The following ERBIN variants were observed in gnomAD, a reference collection of about 807,000 sequenced individuals.
ERBIN encodes the protein erbb2 interacting protein.
In ERBIN, 60 loss-of-function variants were observed where a neutral mutation model predicts 158.4. The observed-to-expected ratio is 0.38, with a 90% confidence interval of 0.31 to 0.47. ERBIN has a LOEUF of 0.47. Ranked by LOEUF, ERBIN falls within the 20% of genes least tolerant of loss-of-function variation. The pLI, the probability that ERBIN is intolerant of heterozygous loss-of-function variation, is 0.99. For synonymous variants in ERBIN, 594 were observed against 557.2 expected, an observed-to-expected ratio of 1.07 and a Z score of -0.93; for missense variants, 1,610 against 1,648.0, an observed-to-expected ratio of 0.98 and a Z score of 0.40.
chr5:66,063,888 A>G (rs1457325266), intron 21 of ERBIN, among the ~76,000 whole-genome samples: 1 of 152,208 alleles, frequency 6.6e-6, no homozygotes, highest in Admixed American at 6.5e-5. Flanking sequence ...ACGTACACAC[A>G]TAAAACTAAC....
intron 1 of ERBIN, among the ~76,000 whole-genome samples, chr5:65,931,819 C>CTTTTTTTTTTTTTT (rs36048820): frequency 1.5e-5 from 2 of 131,938 alleles, no homozygotes; most frequent in African/African-American, 2.8e-5. Context: ...TCTTTTCTTT[C>CTTTTTTTTTTTTTT]TTTTTTTTTT....
chr5:66,016,597 CTCTTA>C (rs1561376896), intron 7 of ERBIN, among the ~76,000 whole-genome samples: 1 of 149,540 alleles, frequency 6.7e-6, no homozygotes, highest in Admixed American at 6.7e-5. Context: ...CACCATTCTA[CTCTTA>C]TCTTCATGAG....
chr5:66,022,239 C>T (rs1437885299), intron 8 of ERBIN, among the ~76,000 whole-genome samples: 1 of 152,042 alleles, frequency 6.6e-6, no homozygotes, highest in Non-Finnish European at 1.5e-5. Context: ...TTATCTGTTA[C>T]GTCCTTTCTC....
At chr5:65,962,393 A>G (rs1216099688) in intron 1 of ERBIN, among the ~76,000 whole-genome samples, 1 of 152,210 alleles carries the variant, frequency 6.6e-6, no homozygotes, top group Non-Finnish European at 1.5e-5. Context: ...AGGTTTACAA[A>G]TGTGTATGTG....
At chr5:66,009,846 C>A (rs1367108161) in intron 4 of ERBIN, among the ~76,000 whole-genome samples, 1 of 152,034 alleles carries the variant, frequency 6.6e-6, no homozygotes, top group Non-Finnish European at 1.5e-5. Context: ...TGATACAAAG[C>A]TACTAAATTT....
At chr5:65,948,952 C>T (rs577211279) in intron 1 of ERBIN, among the ~76,000 whole-genome samples, 19 of 151,710 alleles carry the variant, frequency 1.3e-4, no homozygotes, top group South Asian at 6.3e-4. Context: ...TTGGTAGAGA[C>T]GGGGTTTCAC....
At chr5:66,057,946 T>TG (rs1358589792) in intron 21 of ERBIN, among the ~76,000 whole-genome samples, 1 of 151,424 alleles carries the variant, frequency 6.6e-6, no homozygotes, top group Non-Finnish European at 1.5e-5. Context: ...GTTGGACATT[T>TG]GCGTTGGTTC....
Position 66,053,349 on chromosome 5 carries a change from C to T in ERBIN, c.2088-57C>T, listed in dbSNP as rs1759235003. ...TACACAATTTATTTATTAATGTTCC[C>T]TGTTACTAAGAAAACTCGGCTTTAT... is the stretch of plus-strand genomic sequence containing the variant. On this transcript the variant is annotated intron_variant, in intron 20 of 25. Coordinates refer to ENST00000284037, the MANE Select transcript of ERBIN (RefSeq NM_001253697.2). 2.5e-5 allele frequency: 26 copies of T among 1,049,638 alleles called. No individual in the cohort carries two copies. In the South Asian group the frequency reaches 5.3e-4, roughly 22 times the overall value. 65.0% of individuals were successfully genotyped at this position (1,049,638 alleles called of 1,614,324 possible). A position where few individuals can be genotyped will look rare whatever the true frequency, so the allele number is the denominator to read the frequency against.
Position 66,078,448 on chromosome 5 carries a change from T to A in ERBIN, c.4157T>A (p.Ile1386Asn). Residue 1386 changes from isoleucine (I) to asparagine (N), a missense_variant, in exon 26 of 26, where the codon ATT becomes AAT. Physicochemically the swap from Ile to Asn is moderately radical, Grantham distance 149. Around this residue, in one of 2 missense-constraint regions of ERBIN, gnomAD observed 1,014 missense variants for 936.1 expected, o/e 1.08. Transcript: ENST00000284037. ...GCTAATGGCTACAGTTTTATAAATA[T>A]TGAACATGGACAAGCAGTGTCCTTG... Reference protein sequence around the residue: ...IQANGYSFINIEHGQAVSLLK... With the variant: ...IQANGYSFINNEHGQAVSLLK... The A allele has an allele frequency of 6.3e-7, 1 of 1,585,298 alleles. No individual in the cohort carries two copies. Among genetic ancestry groups the A allele is most frequent in the Non-Finnish European group, 8.5e-7 (1 of 1,171,530 alleles).
rs1762396104 is a variant in ERBIN, at chr5:66,081,757, G to A, written c.*3227G>A. On this transcript the variant is annotated 3_prime_UTR_variant, in exon 26 of 26. Coordinates refer to ENST00000284037, the MANE Select transcript of ERBIN (RefSeq NM_001253697.2). ...TGACGTGTGAAATCTATTTGGAAGG[G>A]TATTTTTTTCACTCAGTCTGTTGCA... The A allele has an allele frequency of 6.6e-6, 1 of 151,994 alleles. No individual in the cohort carries two copies. The highest frequency in any genetic ancestry group is 2.1e-4 in the South Asian group (1 of 4,822). 9.4% of individuals were successfully genotyped at this position (151,994 alleles called of 1,614,324 possible).
chr5:66,070,382 A>G (rs551781444), intron 21 of ERBIN, among the ~76,000 whole-genome samples: 1 of 152,172 alleles, frequency 6.6e-6, no homozygotes, highest in East Asian at 1.9e-4. Flanking sequence ...GAAGGGTGAT[A>G]ACTATCAGTC....
intron 1 of ERBIN, among the ~76,000 whole-genome samples, chr5:65,962,331 G>A (rs1402863966): frequency 1.3e-5 from 2 of 152,098 alleles, no homozygotes; most frequent in Admixed American, 1.3e-4. Flanking sequence ...TGGCTATTAA[G>A]CTACTAGAAA....
At chr5:66,026,278 ACT>A in intron 12 of ERBIN, 22 bp from the exon 13 acceptor site, 1 of 1,491,480 alleles carries the variant, frequency 6.7e-7, no homozygotes, top group Non-Finnish European at 9.0e-7. Flanking sequence ...ATTTTTTGAT[ACT>A]CAGTTTATAT....
At chr5:65,973,874 G>GA (rs962070801) in intron 1 of ERBIN, among the ~76,000 whole-genome samples, 4 of 151,210 alleles carry the variant, frequency 2.6e-5, no homozygotes, top group Non-Finnish European at 4.4e-5. Flanking sequence ...TGATTTTAAG[G>GA]AAAAAAATTA....
At chr5:65,930,799 C>G (rs1743272502) in intron 1 of ERBIN, among the ~76,000 whole-genome samples, 1 of 152,236 alleles carries the variant, frequency 6.6e-6, no homozygotes, top group Admixed American at 6.5e-5. Context: ...TCCTTCTTCT[C>G]TGTACCTTCC....
At chr5:65,971,857 A>G (rs1171221907) in intron 1 of ERBIN, among the ~76,000 whole-genome samples, 3 of 152,126 alleles carry the variant, frequency 2.0e-5, no homozygotes, top group Admixed American at 6.5e-5. Flanking sequence ...TCCCTTTCCA[A>G]TCTGCTCCAT....
intron 25 of ERBIN, among the ~76,000 whole-genome samples, chr5:66,077,758 C>CCA (rs1762118422): frequency 8.0e-6 from 1 of 125,118 alleles, no homozygotes; most frequent in Non-Finnish European, 1.7e-5. Context: ...CTCCCTCCCT[C>CCA]TACACACACA....
intron 1 of ERBIN, among the ~76,000 whole-genome samples, chr5:65,936,637 A>C (rs546060462): frequency 6.6e-6 from 1 of 152,342 alleles, no homozygotes; most frequent in Admixed American, 6.5e-5. Context: ...AAATGTCTAC[A>C]GAGTGAGACA....
rs1312650583 is a variant in ERBIN, at chr5:66,019,051, C to T, written c.534-2271C>T. Among the ~76,000 whole-genome samples, 6 of 152,108 alleles carry T rather than the reference C, an allele frequency of 3.9e-5. No homozygotes were observed. In the South Asian group the frequency reaches 1.2e-3, roughly 31 times the overall value. ...TTTCACATGCTGATTTTATATCCTT[C>T]AACTTTACTTAATTCGTTTATCAGT... On this transcript the variant is annotated intron_variant, in intron 7 of 25. Transcript: ENST00000284037.
Sources: gnomAD v4.1 joint callset for allele counts (sites outside exome capture counted in the v4.1 genomes callset) on GRCh38, gnomAD v4.1.1 for gene constraint, gnomAD v4.1.1 regional missense constraint, MANE v1.5 for transcripts, NCBI Gene and HGNC (gene_info 2026-07-23, HGNC 2026-07-21) for gene names.